Variants in SHANK2 observed in about 807,000 individuals in gnomAD.
SHANK2 encodes SH3 and multiple ankyrin repeat domains 2, also known as SH3 and multiple ankyrin repeat domains protein 2.
SHANK2 carries 43 observed loss-of-function variants against 133.7 expected under a neutral mutation model. The ratio of observed to expected loss-of-function variants is 0.32; its 90% CI spans 0.25 to 0.41. SHANK2 has a LOEUF of 0.41. SHANK2 is among the 10% of genes least tolerant of loss of function. The probability of loss-of-function intolerance (pLI) is 1.00; values close to 1 mark genes in which losing one functional copy is unlikely to be tolerated. For missense variants in SHANK2, 1,994 were observed against 2,235.8 expected, an observed-to-expected ratio of 0.89 and a Z score of 2.18; for synonymous variants, 1,017 against 952.8, an observed-to-expected ratio of 1.07 and a Z score of -1.24.
chr11:70,808,278 T>C (rs1356599752), intron 12 of SHANK2, among the ~76,000 whole-genome samples: 1 of 152,128 alleles, frequency 6.6e-6, no homozygotes, highest in African/African-American at 2.4e-5. Flanking sequence ...CTCGGCTCAC[T>C]GCAACCTCTG....
At chr11:70,719,988 C>T (rs1946040019) in intron 14 of SHANK2, among the ~76,000 whole-genome samples, 1 of 152,124 alleles carries the variant, frequency 6.6e-6, no homozygotes. Context: ...TTGGTCCCTT[C>T]CCAGTGGGTG....
At chr11:70,910,917 C>T (rs373368625) in intron 10 of SHANK2, 21 of 452,490 alleles carry the variant, frequency 4.6e-5, no homozygotes, top group African/African-American at 2.0e-4. Flanking sequence ...TGTGTGTGCG[C>T]GTGCATGTGC....
At chr11:70,488,530 G>A (rs1481440697) in intron 24 of SHANK2, among the ~76,000 whole-genome samples, 1 of 152,206 alleles carries the variant, frequency 6.6e-6, no homozygotes, top group African/African-American at 2.4e-5. Flanking sequence ...ATGGATGGCT[G>A]GGGAATTGCA....
chr11:70,492,971 T>C (rs1298569887), intron 21 of SHANK2, among the ~76,000 whole-genome samples: 1 of 151,820 alleles, frequency 6.6e-6, no homozygotes, highest in Non-Finnish European at 1.5e-5. Context: ...AATTTTTGTA[T>C]TTTTAGTAGA....
At chr11:70,917,093 G>A (rs959276797) in intron 10 of SHANK2, among the ~76,000 whole-genome samples, 1 of 152,180 alleles carries the variant, frequency 6.6e-6, no homozygotes, top group African/African-American at 2.4e-5. Flanking sequence ...AAGACAGCAA[G>A]TCAGGTCTTG....
chr11:70,545,150 C>T (rs957028000), intron 17 of SHANK2, among the ~76,000 whole-genome samples: 2 of 152,190 alleles, frequency 1.3e-5, no homozygotes, highest in African/African-American at 2.4e-5. Flanking sequence ...CTGCCGTGGG[C>T]GTCTCTTTTT....
In SHANK2 at chr11:71,221,472, G is replaced by T. The variant is rs1289051005; in HGVS notation, c.-13+3225C>A. 7.2e-5 allele frequency among the ~76,000 whole-genome samples: 11 copies of T among 152,276 alleles called. No individual in the cohort carries two copies. In the East Asian group the frequency reaches 2.1e-3, roughly 29 times the overall value. Reference sequence around the variant, plus strand: ...TGATCCCCTGTTTCCCCACCCAGGAGGGTGCTCTGGAGCATATCCTCTTGG... The same window carrying T: ...TGATCCCCTGTTTCCCCACCCAGGATGGTGCTCTGGAGCATATCCTCTTGG... On this transcript the variant is annotated intron_variant, in intron 2 of 25. Transcript: ENST00000601538.
At chr11:70,564,607 G>T (rs1325534878) in intron 17 of SHANK2, among the ~76,000 whole-genome samples, 1 of 151,894 alleles carries the variant, frequency 6.6e-6, no homozygotes, top group Non-Finnish European at 1.5e-5. Flanking sequence ...CCTCTTCAGG[G>T]ACTCTACTTA....
At chr11:71,191,131 G>A (rs4072326) in intron 2 of SHANK2, among the ~76,000 whole-genome samples, 5,074 of 151,756 alleles carry the variant, frequency 0.033, 267 homozygotes, top group East Asian at 0.16. Flanking sequence ...CGATTGCTCC[G>A]GTGCACTCCA....
intron 2 of SHANK2, among the ~76,000 whole-genome samples, chr11:71,199,788 C>A (rs1219576260): frequency 1.3e-5 from 2 of 152,178 alleles, no homozygotes; most frequent in Admixed American, 6.5e-5. Context: ...CGAGGACAAC[C>A]TTGGCCAGAC....
chr11:70,827,072 C>T (rs1473757386), intron 11 of SHANK2, among the ~76,000 whole-genome samples: 3 of 152,152 alleles, frequency 2.0e-5, no homozygotes, highest in African/African-American at 2.4e-5. Flanking sequence ...GGGAGGGAAG[C>T]GTACAAGTAC....
chr11:70,500,211 C>A lies in SHANK2; in HGVS notation c.2308+359G>T, dbSNP rs1555158073. ...TTAAAGGGAGGCAGTTCCTGCCCAC[C>A]ACAAAGGGGTCCTGAGGGTCAGGAA... On this transcript the variant is annotated intron_variant, in intron 21 of 25. Coordinates refer to ENST00000601538, the MANE Select transcript of SHANK2 (RefSeq NM_012309.5). This position sits in a 1 kb window ranked among gnomAD's most constrained non-coding sequence, Gnocchi z 4.5. 1.3e-5 allele frequency among the ~76,000 whole-genome samples: 2 copies of A among 152,116 alleles called. No individual in the cohort carries two copies. Among genetic ancestry groups the A allele is most frequent in the Non-Finnish European group, 2.9e-5 (2 of 68,026 alleles).
At chr11:70,923,347 A>T (rs1487501212) in intron 10 of SHANK2, among the ~76,000 whole-genome samples, 4 of 152,296 alleles carry the variant, frequency 2.6e-5, no homozygotes, top group South Asian at 2.1e-4. Flanking sequence ...GGTTCCAGAG[A>T]TTCTCCTGCC....
intron 10 of SHANK2, among the ~76,000 whole-genome samples, chr11:70,938,762 A>T (rs1291619799): frequency 6.6e-6 from 1 of 152,110 alleles, no homozygotes; most frequent in Non-Finnish European, 1.5e-5. Context: ...GCATATGCAA[A>T]ATGCCAGAGG....
intron 2 of SHANK2, among the ~76,000 whole-genome samples, chr11:71,215,678 C>T (rs1452033855): frequency 6.6e-6 from 1 of 151,978 alleles, no homozygotes; most frequent in Non-Finnish European, 1.5e-5. Context: ...CTAATGTCCT[C>T]GGACATCCAT....
At chr11:70,492,505 G>T (rs782373037) in intron 21 of SHANK2, 40 bp from the exon 22 acceptor site, 6 of 1,612,598 alleles carry the variant, frequency 3.7e-6, no homozygotes, top group Non-Finnish European at 5.1e-6. Flanking sequence ...CAACACCAGT[G>T]GGGGAAGCTG....
intron 10 of SHANK2, chr11:70,911,111 A>AT (rs1306717020): frequency 2.2e-6 from 1 of 456,694 alleles, no homozygotes; most frequent in African/African-American, 2.0e-5. Flanking sequence ...AGGTCTCCAC[A>AT]TGCCTCTTTC....
chr11:70,513,488 A>C (rs1054692412), intron 17 of SHANK2, among the ~76,000 whole-genome samples: 1 of 152,250 alleles, frequency 6.6e-6, no homozygotes, highest in Admixed American at 6.5e-5. Context: ...ATTAACACCC[A>C]TCAAAGGAAT....
intron 11 of SHANK2, among the ~76,000 whole-genome samples, chr11:70,855,981 A>T (rs1055385600): frequency 6.6e-6 from 1 of 152,082 alleles, no homozygotes; most frequent in African/African-American, 2.4e-5. Flanking sequence ...ATAGATGAAT[A>T]GATGAATGGA....
Sources: gnomAD v4.1 joint callset for allele counts (sites outside exome capture counted in the v4.1 genomes callset) on GRCh38, gnomAD v4.1.1 for gene constraint, Gnocchi (gnomAD v3.1) non-coding constraint, MANE v1.5 for transcripts, NCBI Gene and HGNC (gene_info 2026-07-23, HGNC 2026-07-21) for gene names.